Variants in FOCAD observed in about 807,000 individuals in gnomAD.
The protein encoded by FOCAD is focadhesin, also known as KIAA1797.
A neutral mutation model predicts 225.6 loss-of-function variants in FOCAD; 198 were observed. That is an observed-to-expected ratio of 0.88 (90% CI 0.78 to 0.99). FOCAD has a LOEUF of 0.99. Ranked by LOEUF, FOCAD falls within the 50% of genes least tolerant of loss-of-function variation. FOCAD has a pLI of 0.00. For missense variants in FOCAD, 2,713 were observed against 2,123.6 expected (o/e 1.28, Z -5.46); for synonymous variants, 897 against 755.0 (o/e 1.19, Z -3.08).
intron 1 of FOCAD, among the ~76,000 whole-genome samples, chr9:20,687,224 A>T (rs1822721766): frequency 6.6e-6 from 1 of 152,176 alleles, no homozygotes; most frequent in South Asian, 2.1e-4. Flanking sequence ...ACTTGCATAG[A>T]TAGTCAGTTT....
intron 28 of FOCAD, among the ~76,000 whole-genome samples, chr9:20,944,094 AAGAAATTCC>A (rs1836934193): frequency 6.6e-6 from 1 of 152,238 alleles, no homozygotes; most frequent in East Asian, 1.9e-4. Flanking sequence ...TTCTTTAGGA[AAGAAATTCC>A]ACTTGTTGAA....
intron 11 of FOCAD, among the ~76,000 whole-genome samples, chr9:20,800,839 C>T (rs1443270040): frequency 6.6e-6 from 1 of 152,166 alleles, no homozygotes; most frequent in African/African-American, 2.4e-5. Context: ...AAGCCTTCTT[C>T]TCTCAACTTG....
At chr9:20,951,491 T>C (rs1488896514) in intron 34 of FOCAD, among the ~76,000 whole-genome samples, 1 of 152,190 alleles carries the variant, frequency 6.6e-6, no homozygotes, top group Non-Finnish European at 1.5e-5. Context: ...ACCAGGTCCT[T>C]AAAGCTTGGA....
chr9:20,801,909 G>A (rs1821882324), intron 11 of FOCAD, among the ~76,000 whole-genome samples: 1 of 152,120 alleles, frequency 6.6e-6, no homozygotes, highest in African/African-American at 2.4e-5. Flanking sequence ...TCCTTTACCA[G>A]AAGTGTCGAG....
chr9:20,763,744 G>A (rs773674891), intron 6 of FOCAD, among the ~76,000 whole-genome samples: 8 of 152,148 alleles, frequency 5.3e-5, no homozygotes, highest in African/African-American at 1.9e-4. Context: ...AAGAAATGAA[G>A]CTGGAAAGAT....
intron 15 of FOCAD, among the ~76,000 whole-genome samples, chr9:20,854,977 A>C (rs1171062353): frequency 1.3e-5 from 2 of 151,810 alleles, no homozygotes; most frequent in African/African-American, 4.8e-5. Context: ...CACAGAATTA[A>C]ATTAATATTT....
At chr9:20,789,731 T>C (rs1165492733) in intron 11 of FOCAD, 123 bp downstream of exon 11, 5 of 1,258,544 alleles carry the variant, frequency 4.0e-6, no homozygotes, top group Non-Finnish European at 5.4e-6. Flanking sequence ...GATTTTTTTT[T>C]TTTTTGCTAT....
At chr9:20,656,892 G>A (rs1277326200), upstream of FOCAD, among the ~76,000 whole-genome samples, 1 of 151,786 alleles carries the variant, frequency 6.6e-6, no homozygotes, top group Non-Finnish European at 1.5e-5. Flanking sequence ...TTATATTTTG[G>A]CATGATTTTG....
At chr9:20,970,204 C>G (rs1286186855) in intron 35 of FOCAD, among the ~76,000 whole-genome samples, 1 of 140,292 alleles carries the variant, frequency 7.1e-6, no homozygotes, top group African/African-American at 2.7e-5. Flanking sequence ...CTTTCTTAGA[C>G]TTTGTTGAGC....
At chr9:20,914,589 G>A (rs779633656) in intron 23 of FOCAD, among the ~76,000 whole-genome samples, 1 of 152,174 alleles carries the variant, frequency 6.6e-6, no homozygotes, top group Non-Finnish European at 1.5e-5. Context: ...AGAGGAAACA[G>A]CGAATTCATC....
At chr9:20,825,482 G>A (rs1422893805) in intron 15 of FOCAD, among the ~76,000 whole-genome samples, 1 of 152,036 alleles carries the variant, frequency 6.6e-6, no homozygotes, top group African/African-American at 2.4e-5. Context: ...ATCTGTTACT[G>A]TTTAGATCCT....
intron 18 of FOCAD, among the ~76,000 whole-genome samples, chr9:20,867,249 G>A (rs541353432): frequency 6.6e-6 from 1 of 151,986 alleles, no homozygotes; most frequent in South Asian, 2.1e-4. Flanking sequence ...CTGGGTATAT[G>A]GCTTGCTCCA....
upstream of FOCAD, among the ~76,000 whole-genome samples, chr9:20,680,733 G>A (rs1207955144): frequency 3.9e-5 from 6 of 152,086 alleles, no homozygotes; most frequent in African/African-American, 4.8e-5. Flanking sequence ...TTGGGAGGCC[G>A]AGGCGGGAGG....
intron 29 of FOCAD, 71 bp downstream of exon 29, chr9:20,944,845 T>C (rs968888385): frequency 6.2e-6 from 9 of 1,456,618 alleles, no homozygotes; most frequent in Non-Finnish European, 8.3e-6. Context: ...TATTTTGGAC[T>C]TACCATATTT....
intron 15 of FOCAD, among the ~76,000 whole-genome samples, chr9:20,827,867 A>AT (rs1352467593): frequency 6.6e-6 from 1 of 152,102 alleles, no homozygotes; most frequent in Non-Finnish European, 1.5e-5. Flanking sequence ...TTTGTTAAAG[A>AT]TTTTTATTAA....
At chr9:20,679,222 T>C (rs1054031636) in intron 2 of FOCAD, among the ~76,000 whole-genome samples, 4 of 151,618 alleles carry the variant, frequency 2.6e-5, no homozygotes, top group Non-Finnish European at 5.9e-5. Flanking sequence ...TATGGCCCTG[T>C]TGGCTTTTGT....
At chr9:20,929,315 A>C (rs1275757211) in intron 26 of FOCAD, 43 bp from the exon 27 acceptor site, 1 of 1,512,686 alleles carries the variant, frequency 6.6e-7, no homozygotes, top group Non-Finnish European at 9.2e-7. Flanking sequence ...TGCTTCCTTC[A>C]TGTTTAAGGC....
At chr9:20,678,142 C>G (rs1822289450) in intron 2 of FOCAD, among the ~76,000 whole-genome samples, 1 of 152,194 alleles carries the variant, frequency 6.6e-6, no homozygotes, top group Non-Finnish European at 1.5e-5. Flanking sequence ...CAAACATATT[C>G]TATCCCTTGG....
chr9:20,688,329 G>A (rs934030841), intron 1 of FOCAD, among the ~76,000 whole-genome samples: 2 of 152,306 alleles, frequency 1.3e-5, no homozygotes, highest in African/African-American at 4.8e-5. Flanking sequence ...TAAGGTGATT[G>A]AGTTAGTGGC....
Sources: allele counts gnomAD v4.1 joint callset (sites outside exome capture counted in the v4.1 genomes callset), GRCh38; gene constraint gnomAD v4.1.1; transcripts MANE v1.5; gene names NCBI Gene and HGNC (gene_info 2026-07-23, HGNC 2026-07-21).